Variants in NCAM1 observed in about 807,000 individuals in gnomAD.
NCAM1 encodes antigen recognized by monoclonal antibody 5.1H11.
Under a neutral mutation model 109.8 loss-of-function variants are expected in NCAM1, and 14 were observed. The observed-to-expected ratio is 0.13, with a 90% confidence interval of 0.08 to 0.20. The LOEUF is 0.20. Among genes scored for constraint, NCAM1 ranks in the 10% least tolerant of loss-of-function variants. NCAM1 has a pLI of 1.00. For missense variants in NCAM1, 774 were observed against 1,109.9 expected, an observed-to-expected ratio of 0.70 and a Z score of 4.30; for synonymous variants, 418 against 442.9, an observed-to-expected ratio of 0.94 and a Z score of 0.70.
At chr11:112,972,684 T>C (rs1950913516) in intron 1 of NCAM1, among the ~76,000 whole-genome samples, 1 of 152,148 alleles carries the variant, frequency 6.6e-6, no homozygotes, top group African/African-American at 2.4e-5. Context: ...GCAGCAGTAC[T>C]AAGGGTGGTT....
At chr11:113,111,449 T>C (rs968384737) in intron 1 of NCAM1, among the ~76,000 whole-genome samples, 3 of 152,174 alleles carry the variant, frequency 2.0e-5, no homozygotes, top group Non-Finnish European at 4.4e-5. Flanking sequence ...GTATGTATGA[T>C]GTTTGAGAAT....
At chr11:113,220,230 C>T (rs1437018408) in intron 8 of NCAM1, among the ~76,000 whole-genome samples, 1 of 152,154 alleles carries the variant, frequency 6.6e-6, no homozygotes, top group African/African-American at 2.4e-5. Context: ...ATCCCTCTAA[C>T]CTCTGTGTCC....
At chr11:113,222,888 C>A (rs1325755019) in intron 9 of NCAM1, among the ~76,000 whole-genome samples, 2 of 152,100 alleles carry the variant, frequency 1.3e-5, no homozygotes, top group East Asian at 1.9e-4. Flanking sequence ...GTGAATGCTG[C>A]CCCTAGGGCT....
chr11:113,202,456 A>G lies in NCAM1; in HGVS notation c.127+3A>G. 6.2e-7 allele frequency: 1 copy of G among 1,608,896 alleles called. No individual in the cohort carries two copies. Among genetic ancestry groups the G allele is most frequent in the Non-Finnish European group, 8.5e-7 (1 of 1,178,406 alleles). The stretch of plus-strand genomic sequence containing the variant: ...GTCCAAATTCTTCTTATGCCAAGGC[A>G]AGTGCCTAGTGCTCAGCTGCATTTT... On this transcript the variant is annotated splice_donor_region_variant and intron_variant, in intron 2 of 19. Coordinates refer to ENST00000316851, the MANE Select transcript of NCAM1 (RefSeq NM_181351.5).
rs567862297 is a variant in NCAM1 at position 113,164,914 on chromosome 11, A to G, written c.53-37465A>G. Among the ~76,000 whole-genome samples the G allele has an allele frequency of 5.3e-5, 8 of 151,840 alleles. No individual in the cohort carries two copies. The South Asian group carries it at 1.5e-3, about 28-fold the overall frequency. ...CATGATTTGGTCTTCCTGATGACCAACCCCAGCCAGGAGCCCACCGAAAGT... is the reference window on the plus strand; with the variant it reads ...CATGATTTGGTCTTCCTGATGACCAGCCCCAGCCAGGAGCCCACCGAAAGT... On this transcript the variant is annotated intron_variant, in intron 1 of 19. Coordinates refer to ENST00000316851, the MANE Select transcript of NCAM1 (RefSeq NM_181351.5).
intron 1 of NCAM1, among the ~76,000 whole-genome samples, chr11:113,160,228 G>A (rs951224713): frequency 1.3e-5 from 2 of 152,136 alleles, no homozygotes; most frequent in Non-Finnish European, 2.9e-5. Context: ...GCTTAGGAAC[G>A]CAGCTTTGGA....
chr11:113,157,472 C>T (rs969225858), intron 1 of NCAM1, among the ~76,000 whole-genome samples: 4 of 152,128 alleles, frequency 2.6e-5, no homozygotes, highest in African/African-American at 9.7e-5. Flanking sequence ...GTACATAATA[C>T]ACATACTAGT....
At chr11:113,248,839 G>A (rs892800639) in intron 15 of NCAM1, among the ~76,000 whole-genome samples, 4 of 152,204 alleles carry the variant, frequency 2.6e-5, no homozygotes, top group African/African-American at 9.6e-5. Context: ...GGCTTGGCCT[G>A]TAGAGGATTG....
At chr11:113,203,272 G>A (rs1458162326) in intron 2 of NCAM1, among the ~76,000 whole-genome samples, 3 of 152,304 alleles carry the variant, frequency 2.0e-5, no homozygotes, top group Admixed American at 6.5e-5. Flanking sequence ...GCTTGTGGCC[G>A]TCGGATGTGT....
chr11:112,996,098 G>T (rs1951589847), intron 1 of NCAM1, among the ~76,000 whole-genome samples: 1 of 152,116 alleles, frequency 6.6e-6, no homozygotes, highest in Non-Finnish European at 1.5e-5. Flanking sequence ...AGAGAAAAGG[G>T]AATATAATTC....
In NCAM1 at chr11:113,233,138, TC is replaced by T; in HGVS notation, c.1523-5del. On this transcript the variant is annotated splice_region_variant and splice_polypyrimidine_tract_variant and intron_variant, in intron 12 of 19. Coordinates refer to ENST00000316851, the MANE Select transcript of NCAM1 (RefSeq NM_181351.5). The surrounding 1 kb of genome is among the most constrained non-coding windows in gnomAD (Gnocchi z 4.5). ...CTCACCTGAGTCTCCATATGTGTCT[TC>T]CCCACAGACACCCCCTCTTCACCAT... 2.5e-6 allele frequency: 4 copies of T among 1,610,718 alleles called. No individual in the cohort carries two copies. Among genetic ancestry groups the T allele is most frequent in the Non-Finnish European group, 3.4e-6 (4 of 1,178,972 alleles).
chr11:113,096,480 A>C (rs1011773522), intron 1 of NCAM1, among the ~76,000 whole-genome samples: 6 of 152,136 alleles, frequency 3.9e-5, no homozygotes, highest in Admixed American at 2.0e-4. Context: ...GTTCAGGTTA[A>C]TGCGGACAGT....
intron 7 of NCAM1, among the ~76,000 whole-genome samples, chr11:113,213,588 T>C (rs915333661): frequency 6.6e-6 from 1 of 152,146 alleles, no homozygotes; most frequent in Non-Finnish European, 1.5e-5. Flanking sequence ...CCTGGACTCC[T>C]TCTTATTGCT....
intron 1 of NCAM1, among the ~76,000 whole-genome samples, chr11:113,085,904 G>A (rs1939060345): frequency 6.6e-6 from 1 of 152,132 alleles, no homozygotes; most frequent in African/African-American, 2.4e-5. Context: ...AGCTCATCTG[G>A]GGTTATGCCA....
chr11:112,977,935 G>A (rs782270912), intron 1 of NCAM1, among the ~76,000 whole-genome samples: 1 of 151,818 alleles, frequency 6.6e-6, no homozygotes, highest in Admixed American at 6.6e-5. Context: ...TTCTCAAAAG[G>A]GTTTTTATTC....
At chr11:113,118,030 C>T (rs1468557653) in intron 1 of NCAM1, among the ~76,000 whole-genome samples, 4 of 151,862 alleles carry the variant, frequency 2.6e-5, no homozygotes, top group African/African-American at 9.7e-5. Context: ...TGCATTATCA[C>T]CTTTTATTTT....
At chr11:113,255,599 A>AG (rs1278617147) in intron 15 of NCAM1, among the ~76,000 whole-genome samples, 2 of 129,544 alleles carry the variant, frequency 1.5e-5, no homozygotes, top group Non-Finnish European at 3.4e-5. Context: ...AGACAGGGGA[A>AG]AAAAAAAAAA....
At chr11:112,981,125 T>C (rs1307275274) in intron 1 of NCAM1, among the ~76,000 whole-genome samples, 2 of 151,872 alleles carry the variant, frequency 1.3e-5, no homozygotes, top group African/African-American at 4.8e-5. Context: ...AGTAGTATCT[T>C]ATGTTGTATG....
chr11:113,199,409 C>T (rs1006787045), intron 1 of NCAM1, among the ~76,000 whole-genome samples: 1 of 152,080 alleles, frequency 6.6e-6, no homozygotes, highest in African/African-American at 2.4e-5. Context: ...TTCAGTGCTT[C>T]GTGTTTGGGG....
Sources: allele counts gnomAD v4.1 joint callset (sites outside exome capture counted in the v4.1 genomes callset), GRCh38; gene constraint gnomAD v4.1.1; non-coding constraint Gnocchi (gnomAD v3.1); transcripts MANE v1.5; gene names NCBI Gene and HGNC (gene_info 2026-07-23, HGNC 2026-07-21).